The following QSOX2 variants were observed in gnomAD, a reference collection of about 807,000 sequenced individuals.
QSOX2 encodes sulfhydryl oxidase 2.
Under a neutral mutation model 61.7 loss-of-function variants are expected in QSOX2, and 46 were observed. The ratio of observed to expected loss-of-function variants is 0.75; its 90% CI spans 0.59 to 0.95. The LOEUF is 0.95. Among genes scored for constraint, QSOX2 ranks in the 40% least tolerant of loss-of-function variants. QSOX2 has a pLI of 0.00. For missense variants in QSOX2, 879 were observed against 918.9 expected, an observed-to-expected ratio of 0.96 and a Z score of 0.56; for synonymous variants, 383 against 388.4, an observed-to-expected ratio of 0.99 and a Z score of 0.16.
At position 136,213,243 on chromosome 9, in the gene QSOX2, GTTT is replaced by G. The variant is rs398046934; in HGVS notation, c.1361-1794_1361-1792del. Among the ~76,000 whole-genome samples, 748 of 111,014 alleles carry G rather than the reference GTTT, an allele frequency of 6.7e-3. 8 individuals are homozygous for G. Among genetic ancestry groups the G allele is most frequent in the African/African-American group, 0.021 (602 of 28,054 alleles). 72.8% of individuals were successfully genotyped at this position (111,014 alleles called of 152,430 possible). Reference sequence around the variant, plus strand: ...CACGCTTCAGAAGCAGTTTTGTTGTGTTTTTTTTTTTTTTTTTTTTTTGAGACA... The same window carrying G: ...CACGCTTCAGAAGCAGTTTTGTTGTGTTTTTTTTTTTTTTTTTTTGAGACA... On this transcript the variant is annotated intron_variant, in intron 10 of 11. Coordinates refer to ENST00000358701, the MANE Select transcript of QSOX2 (RefSeq NM_181701.4).
chr9:136,215,063 C>T, intron 10 of QSOX2, 91 bp downstream of exon 10: 1 of 1,438,624 alleles, frequency 7.0e-7, no homozygotes, highest in South Asian at 1.4e-5. Flanking sequence ...ATGCTGCCTC[C>T]CATACAGCAG....
chr9:136,245,205 G>C (rs150060272), intron 1 of QSOX2, among the ~76,000 whole-genome samples: 13 of 152,306 alleles, frequency 8.5e-5, no homozygotes, highest in African/African-American at 2.4e-4. Context: ...CGGGAGAATG[G>C]TTTCATTTTG....
At chr9:136,242,811 G>T (rs775702281) in intron 1 of QSOX2, among the ~76,000 whole-genome samples, 2 of 152,212 alleles carry the variant, frequency 1.3e-5, no homozygotes, top group Non-Finnish European at 2.9e-5. Flanking sequence ...CAGTGCCAAG[G>T]GCCTTTCATC....
chr9:136,221,831 C>G lies in QSOX2; in HGVS notation c.786G>C (p.Leu262=). 4.3e-6 allele frequency: 7 copies of G among 1,612,490 alleles called. No homozygotes were observed. Among genetic ancestry groups the G allele is most frequent in the Non-Finnish European group, 5.9e-6 (7 of 1,179,316 alleles). The change falls in exon 6 of 12, where the codon CTG becomes CTC. Residue 262 remains leucine, a synonymous_variant. Coordinates refer to ENST00000358701, the MANE Select transcript of QSOX2 (RefSeq NM_181701.4). This position sits in a 1 kb window ranked among gnomAD's most constrained non-coding sequence, Gnocchi z 4.5. The part of the protein sequence containing the change: ...LGVSSVPSCY[L]IYPNGSHGLI... ...ATCCATGCGACCCATTTGGGTAGATCAGGTAACACGAAGGGACTGAAGAAA... is the reference window on the plus strand; with the variant it reads ...ATCCATGCGACCCATTTGGGTAGATGAGGTAACACGAAGGGACTGAAGAAA...
Position 136,221,830 on chromosome 9 carries a change from T to C in QSOX2, c.787A>G (p.Ile263Val). ...AATCCATGCGACCCATTTGGGTAGATCAGGTAACACGAAGGGACTGAAGAA... is the reference window on the plus strand; with the variant it reads ...AATCCATGCGACCCATTTGGGTAGACCAGGTAACACGAAGGGACTGAAGAA... ...GVSSVPSCYL[I>V]YPNGSHGLIN... Residue 263 changes from isoleucine (I) to valine (V), a missense_variant, in exon 6 of 12, where the codon ATC (isoleucine) becomes GTC (valine). Transcript: ENST00000358701. This position sits in a 1 kb window ranked among gnomAD's most constrained non-coding sequence, Gnocchi z 4.5. 1.9e-6 allele frequency: 3 copies of C among 1,612,506 alleles called. No individual in the cohort carries two copies. Among genetic ancestry groups the C allele is most frequent in the Non-Finnish European group, 2.5e-6 (3 of 1,179,316 alleles).
intron 11 of QSOX2, 139 bp downstream of exon 11, chr9:136,211,119 AAGTCCT>A (rs892382177): frequency 1.1e-6 from 1 of 935,810 alleles, no homozygotes; most frequent in African/African-American, 1.7e-5. Context: ...TCAGCCACCC[AAGTCCT>A]GATCCCGTCA....
At chr9:136,224,733 G>A in intron 3 of QSOX2, 128 bp downstream of exon 3, 3 of 549,376 alleles carry the variant, frequency 5.5e-6, no homozygotes, top group South Asian at 3.1e-5. Context: ...AGGGAAAGCA[G>A]GCAGGAAGGT....
intron 1 of QSOX2, among the ~76,000 whole-genome samples, chr9:136,242,023 C>T (rs1830437359): frequency 6.6e-6 from 1 of 152,202 alleles, no homozygotes; most frequent in African/African-American, 2.4e-5. Context: ...CCTCATCTTC[C>T]ATCACAAACC....
In QSOX2 at chr9:136,216,668, G is replaced by A. The variant is rs1165645631; in HGVS notation, c.1141C>T (p.Leu381=). 6.2e-7 allele frequency: 1 copy of A among 1,613,836 alleles called. No homozygotes were observed. Among genetic ancestry groups the A allele is most frequent in the Non-Finnish European group, 8.5e-7 (1 of 1,179,988 alleles). ...KKLLEMLQEW[L]ASLPLDRIPY... Reference sequence around the variant, plus strand: ...ATCCTGTCCAGGGGAAGGCTGGCCAGCCACTCCTGCAGCATCTCCAACAGC... The same window carrying A: ...ATCCTGTCCAGGGGAAGGCTGGCCAACCACTCCTGCAGCATCTCCAACAGC... The change falls in exon 9 of 12, where the codon CTG becomes TTG. Residue 381 remains leucine (L), a synonymous_variant. Coordinates refer to ENST00000358701, the MANE Select transcript of QSOX2 (RefSeq NM_181701.4).
At chr9:136,212,232 G>C (rs1831855221) in intron 10 of QSOX2, among the ~76,000 whole-genome samples, 1 of 152,242 alleles carries the variant, frequency 6.6e-6, no homozygotes, top group African/African-American at 2.4e-5. Flanking sequence ...AAACCAAGGG[G>C]GCAGCATGGG....
At chr9:136,237,598 CACCTGGAGCCCA>C (rs1830398714) in intron 1 of QSOX2, among the ~76,000 whole-genome samples, 1 of 144,512 alleles carries the variant, frequency 6.9e-6, no homozygotes, top group East Asian at 2.1e-4. Flanking sequence ...TCCTGTGCCA[CACCTGGAGCCCA>C]TCCTGGGCCA....
chr9:136,209,976 C>T lies in QSOX2; in HGVS notation c.1550-701G>A. The T allele has an allele frequency of 2.0e-6, 2 of 985,444 alleles. No individual in the cohort carries two copies. The highest frequency in any genetic ancestry group is 2.4e-6 in the Non-Finnish European group (2 of 829,930). 61.0% of individuals were successfully genotyped at this position (985,444 alleles called of 1,614,324 possible). ...CCCCTGCGACCCGACTTGCTGACACCTGGCCACCCTCACAGAGCTTCCAGA... is the reference window on the plus strand; with the variant it reads ...CCCCTGCGACCCGACTTGCTGACACTTGGCCACCCTCACAGAGCTTCCAGA... On this transcript the variant is annotated intron_variant, in intron 11 of 11. Coordinates refer to ENST00000358701, the MANE Select transcript of QSOX2 (RefSeq NM_181701.4). The surrounding 1 kb of genome is among the most constrained non-coding windows in gnomAD (Gnocchi z 5.6).
intron 6 of QSOX2, among the ~76,000 whole-genome samples, chr9:136,220,831 C>T (rs370648348): frequency 6.6e-6 from 1 of 152,138 alleles, no homozygotes; most frequent in Non-Finnish European, 1.5e-5. Flanking sequence ...CCACCTCAGC[C>T]TCCTGAGTAG....
chr9:136,213,251 T>C (rs915712541), intron 10 of QSOX2, among the ~76,000 whole-genome samples: 3 of 147,540 alleles, frequency 2.0e-5, no homozygotes, highest in Non-Finnish European at 4.5e-5. Context: ...GTGTTTTTTT[T>C]TTTTTTTTTT....
intron 1 of QSOX2, among the ~76,000 whole-genome samples, chr9:136,236,085 C>T (rs942656907): frequency 2.6e-5 from 4 of 152,314 alleles, no homozygotes; most frequent in Non-Finnish European, 2.9e-5. Flanking sequence ...CAAGTCAACC[C>T]GGACCTCTCC....
In QSOX2 at chr9:136,209,114, A is replaced by T; in HGVS notation, c.1711T>A (p.Tyr571Asn). Residue 571 changes from tyrosine (Y) to asparagine (N), a missense_variant, in exon 12 of 12, where the codon TAT becomes AAT. By Grantham distance (143) the Tyr-to-Asn change is moderately radical (BLOSUM62 -2). Coordinates refer to ENST00000358701, the MANE Select transcript of QSOX2 (RefSeq NM_181701.4). The surrounding 1 kb of genome is among the most constrained non-coding windows in gnomAD (Gnocchi z 5.6). Reference protein sequence around the residue: ...HYGRDNLLDTYSADQGDSSEG... With the variant: ...HYGRDNLLDTNSADQGDSSEG... ...CTGGAATCCCCCTGGTCTGCGGAAT[A>T]CGTGTCTAAGAGGTTGTCGCGGCCA... The T allele has an allele frequency of 6.2e-7, 1 of 1,614,030 alleles. No individual in the cohort carries two copies. The highest frequency in any genetic ancestry group is 8.5e-7 in the Non-Finnish European group (1 of 1,179,988).
intron 10 of QSOX2, 29 bp from the exon 11 acceptor site, chr9:136,211,481 G>A (rs750676526): frequency 1.0e-5 from 16 of 1,607,372 alleles, no homozygotes; most frequent in African/African-American, 5.3e-5. Context: ...TGCTGACAAC[G>A]GCAGGTGCGT....
chr9:136,209,930 G>A lies in QSOX2; in HGVS notation c.1550-655C>T, dbSNP rs112856299. On this transcript the variant is annotated intron_variant, in intron 11 of 11. Coordinates refer to ENST00000358701, the MANE Select transcript of QSOX2 (RefSeq NM_181701.4). This position sits in a 1 kb window ranked among gnomAD's most constrained non-coding sequence, Gnocchi z 5.6. ...CCGTCATGCAGAAGCTGCGGCGCAC[G>A]GCGCCTCCTAGCTCTCGGAGCCCCT... The A allele has an allele frequency of 4.4e-3, 4,355 of 985,316 alleles. 145 individuals carry two copies. In the African/African-American group the frequency reaches 0.068, roughly 15 times the overall value. 61.0% of individuals were successfully genotyped at this position (985,316 alleles called of 1,614,324 possible).
Position 136,209,254 on chromosome 9 carries a change from C to T in QSOX2, c.1571G>A (p.Arg524Gln), listed in dbSNP as rs201259325. The T allele has an allele frequency of 1.4e-5, 22 of 1,612,880 alleles. No individual in the cohort carries two copies. The highest frequency in any genetic ancestry group is 8.3e-5 in the Admixed American group (5 of 59,994). ...RLAGHLSEDP[R>Q]FPKLQWPTPD... ...AGTGGGCCACTGAAGCTTTGGAAAC[C>T]GGGGATCCTCACTCAGATGGCCTAG... Residue 524 changes from arginine (R) to glutamine (Q), a missense_variant, in exon 12 of 12, where the codon CGG becomes CAG. Physicochemically the swap from Arg to Gln is conservative, Grantham distance 43. Coordinates refer to ENST00000358701, the MANE Select transcript of QSOX2 (RefSeq NM_181701.4). This position sits in a 1 kb window ranked among gnomAD's most constrained non-coding sequence, Gnocchi z 5.6.
Sources: gnomAD v4.1 joint callset for allele counts (sites outside exome capture counted in the v4.1 genomes callset) on GRCh38, gnomAD v4.1.1 for gene constraint, Gnocchi (gnomAD v3.1) non-coding constraint, MANE v1.5 for transcripts, NCBI Gene and HGNC (gene_info 2026-07-23, HGNC 2026-07-21) for gene names.